LYPLA1: variants seen among roughly 807,000 people sequenced by gnomAD.
LYPLA1 encodes the protein lysophospholipase 1.
Under a neutral mutation model 34.0 loss-of-function variants are expected in LYPLA1, and 17 were observed. The observed-to-expected ratio is 0.50, with a 90% CI of 0.34 to 0.75. The LOEUF (loss-of-function observed/expected upper bound fraction) is 0.75, where lower values mean the gene tolerates loss of function less well. Ranked by LOEUF, LYPLA1 falls within the 30% of genes least tolerant of loss-of-function variation. The probability of loss-of-function intolerance (pLI) is 0.01; values close to 1 mark genes in which losing one functional copy is unlikely to be tolerated. For synonymous variants in LYPLA1, 98 were observed against 100.8 expected, an observed-to-expected ratio of 0.97 and a Z score of 0.17; for missense variants, 203 against 288.8, an observed-to-expected ratio of 0.70 and a Z score of 2.15.
chr8:54,098,156 G>C (rs542462112), intron 2 of LYPLA1, among the ~76,000 whole-genome samples: 25 of 152,138 alleles, frequency 1.6e-4, no homozygotes, highest in South Asian at 2.1e-4. Context: ...CTGGAGAGTG[G>C]AGGTTGCAGT....
chr8:54,095,858 A>C (rs1319576080), intron 2 of LYPLA1, among the ~76,000 whole-genome samples: 1 of 151,534 alleles, frequency 6.6e-6, no homozygotes, highest in Non-Finnish European at 1.5e-5. Context: ...CACTGGTATT[A>C]CCATACCCGG....
At chr8:54,057,825 T>A (rs1806322038) in intron 5 of LYPLA1, among the ~76,000 whole-genome samples, 1 of 152,144 alleles carries the variant, frequency 6.6e-6, no homozygotes. Context: ...TCTTTGTAAC[T>A]CAAAGGATAA....
chr8:54,071,715 G>A (rs892203768), intron 2 of LYPLA1, among the ~76,000 whole-genome samples: 1 of 152,064 alleles, frequency 6.6e-6, no homozygotes, highest in African/African-American at 2.4e-5. Flanking sequence ...ATTACAAAAC[G>A]CTGCTCAAAG....
At chr8:54,088,468 T>C (rs889711825) in intron 2 of LYPLA1, among the ~76,000 whole-genome samples, 1 of 152,210 alleles carries the variant, frequency 6.6e-6, no homozygotes, top group Non-Finnish European at 1.5e-5. Context: ...TTAACGAGGA[T>C]GGCGAGAAAT....
chr8:54,063,286 A>C, intron 4 of LYPLA1, 42 bp downstream of exon 4: 1 of 1,209,170 alleles, frequency 8.3e-7, no homozygotes, highest in South Asian at 1.5e-5. Context: ...ACATTAAATA[A>C]GTAATATAAT....
In LYPLA1 at chr8:54,073,713, T is replaced by C. The variant is rs757701103; in HGVS notation, c.102-7900A>G. On this transcript the variant is annotated intron_variant, in intron 2 of 8. Transcript: ENST00000316963. ...TAATGAATACATTTCCAAAATAGTC[T>C]CTAACATTTCCTTATAGTACCAACT... The C allele has an allele frequency of 1.2e-5, 4 of 331,692 alleles. No individual in the cohort carries two copies. The Middle Eastern group carries it at 3.7e-3, about 309-fold the overall frequency. 20.5% of individuals were successfully genotyped at this position (331,692 alleles called of 1,614,324 possible).
chr8:54,057,378 CT>C (rs1806280792), intron 5 of LYPLA1, among the ~76,000 whole-genome samples: 1 of 152,140 alleles, frequency 6.6e-6, no homozygotes, highest in South Asian at 2.1e-4. Context: ...TGTTGTAGCA[CT>C]GTTCCCAATA....
chr8:54,086,010 A>G (rs1041716793), intron 2 of LYPLA1, among the ~76,000 whole-genome samples: 1 of 152,206 alleles, frequency 6.6e-6, no homozygotes, highest in Non-Finnish European at 1.5e-5. Flanking sequence ...AATGTGGGGA[A>G]AAGAGAGATC....
intron 2 of LYPLA1, among the ~76,000 whole-genome samples, chr8:54,072,863 C>G (rs1346056566): frequency 4.6e-5 from 7 of 151,184 alleles, no homozygotes; most frequent in Admixed American, 4.6e-4. Flanking sequence ...GCCTGTAGTC[C>G]CAGCTACTCA....
chr8:54,093,730 A>G (rs1469279037), intron 2 of LYPLA1, among the ~76,000 whole-genome samples: 1 of 152,200 alleles, frequency 6.6e-6, no homozygotes, highest in Non-Finnish European at 1.5e-5. Context: ...TAGTGCTATT[A>G]CATGTCCTAT....
rs1340305602 is a variant in LYPLA1 at position 54,046,401 on chromosome 8, T to C, written c.*1664A>G. The C allele has an allele frequency of 1.3e-5, 2 of 152,614 alleles. No individual in the cohort carries two copies. Among genetic ancestry groups the C allele is most frequent in the African/African-American group, 2.4e-5 (1 of 41,454 alleles). The allele number at this position is 152,614 out of a possible 1,614,324, so 9.5% of individuals were successfully genotyped here. On this transcript the variant is annotated 3_prime_UTR_variant, in exon 9 of 9. Transcript: ENST00000316963. ...AGTCAGAATTAAATTTTATTTCACA[T>C]TGATAGAAACCATGAAAAACATTTA...
intron 2 of LYPLA1, among the ~76,000 whole-genome samples, chr8:54,080,307 G>A (rs947565197): frequency 4.0e-5 from 6 of 151,590 alleles, no homozygotes; most frequent in Non-Finnish European, 5.9e-5. Flanking sequence ...AGCCACGAGC[G>A]TACTATGCCA....
rs1810066551 is a variant in LYPLA1 at position 54,100,744 on chromosome 8, TTC to T, written c.101+162_101+163del. On this transcript the variant is annotated intron_variant, in intron 2 of 8. Coordinates refer to ENST00000316963, the MANE Select transcript of LYPLA1 (RefSeq NM_006330.4). ...TAAACTCACGATGATAAGGGGAAAA[TTC>T]TGAGGGTTTTCAAAACATAAAATCA... 6.4e-6 allele frequency: 4 copies of T among 624,940 alleles called. No homozygotes were observed. In the East Asian group the frequency reaches 1.2e-4, roughly 19 times the overall value. 38.7% of individuals were successfully genotyped at this position (624,940 alleles called of 1,614,324 possible). A position where few individuals can be genotyped will look rare whatever the true frequency, so the allele number is the denominator to read the frequency against.
intron 2 of LYPLA1, among the ~76,000 whole-genome samples, chr8:54,082,550 C>T (rs533612106): frequency 6.4e-4 from 97 of 152,220 alleles, no homozygotes; most frequent in African/African-American, 2.2e-3. Context: ...AACTCCTGGC[C>T]TCAAGTGATC....
downstream of LYPLA1, chr8:54,046,220 T>C (rs1247049935): frequency 5.9e-5 from 9 of 152,332 alleles, no homozygotes; most frequent in Admixed American, 3.3e-4. Flanking sequence ...TTATTTCTTA[T>C]GCCTGGTTCC....
chr8:54,067,718 CAG>C (rs1401283739), intron 2 of LYPLA1, among the ~76,000 whole-genome samples: 3 of 136,958 alleles, frequency 2.2e-5, no homozygotes, highest in Non-Finnish European at 4.6e-5. Context: ...TTTTTTGAGA[CAG>C]AGTCTTGCTC....
At chr8:54,076,482 T>G (rs1807913035) in intron 2 of LYPLA1, among the ~76,000 whole-genome samples, 1 of 152,216 alleles carries the variant, frequency 6.6e-6, no homozygotes, top group Admixed American at 6.5e-5. Flanking sequence ...TGCCTTTGCT[T>G]TTATATCTCT....
At chr8:54,058,057 A>G (rs1196627300) in intron 5 of LYPLA1, among the ~76,000 whole-genome samples, 3 of 152,238 alleles carry the variant, frequency 2.0e-5, no homozygotes, top group African/African-American at 7.2e-5. Flanking sequence ...TAAAAAATTA[A>G]TAGTTAATTC....
chr8:54,073,115 CG>C, intron 2 of LYPLA1: 5 of 685,984 alleles, frequency 7.3e-6, no homozygotes, highest in South Asian at 7.1e-5. Flanking sequence ...CAGGAACTTG[CG>C]CGTCCATCTC....
Sources: gnomAD v4.1 joint callset for allele counts (sites outside exome capture counted in the v4.1 genomes callset) on GRCh38, gnomAD v4.1.1 for gene constraint, MANE v1.5 for transcripts, NCBI Gene and HGNC (gene_info 2026-07-23, HGNC 2026-07-21) for gene names.